Variants in RPL4 observed in about 807,000 individuals in gnomAD.
RPL4 encodes the protein large ribosomal subunit protein uL4.
RPL4 carries 3 observed loss-of-function variants against 47.7 expected under a neutral mutation model. The ratio of observed to expected loss-of-function variants is 0.06; its 90% confidence interval spans 0.03 to 0.16. RPL4 has a LOEUF of 0.16. Ranked by LOEUF, RPL4 falls within the 10% of genes least tolerant of loss-of-function variation. The pLI, the probability that RPL4 is intolerant of heterozygous loss-of-function variation, is 1.00. For synonymous variants in RPL4, 208 were observed against 182.1 expected (o/e 1.14, Z -1.15); for missense variants, 413 against 551.3 (o/e 0.75, Z 2.51).
chr15:66,501,134 C>A (rs190460547), intron 6 of RPL4, 29 bp from the exon 7 acceptor site: 1 of 1,607,270 alleles, frequency 6.2e-7, no homozygotes, highest in Admixed American at 1.7e-5. Context: ...AATTAGGGAG[C>A]CTGTATTCCA....
At position 66,498,311 on chromosome 15, in the gene RPL4, T is replaced by G. The variant is rs1893518344; in HGVS notation, c.*1096A>C. ...AAGCCGTGCTAAGAAACGACGTGCT[T>G]AAGAACTGAGATTTGGCCCTGGAAA... On this transcript the variant is annotated 3_prime_UTR_variant, in exon 10 of 10. Transcript: ENST00000307961. 6.6e-6 allele frequency: 1 copy of G among 152,616 alleles called. No homozygotes were observed. Among genetic ancestry groups the G allele is most frequent in the Non-Finnish European group, 1.5e-5 (1 of 68,322 alleles). The allele number at this position is 152,616 out of a possible 1,614,324, so 9.5% of individuals were successfully genotyped here.
At position 66,500,162 on chromosome 15, in the gene RPL4, C is replaced by T. The variant is rs772195070; in HGVS notation, c.932G>A (p.Arg311His). The part of the protein sequence containing the change: ...ALRAPRKKIH[R>H]RVLKKNPLKN... The stretch of plus-strand genomic sequence containing the variant: ...CAGTGGGTTCTTCTTTAGGACTCTG[C>T]GATGGATCTTCTTGCTATAAAAAAG... Residue 311 changes from arginine to histidine, a missense_variant, in exon 9 of 10, where the codon CGC becomes CAC. This residue lies in a region of RPL4 where 214 missense variants were observed against 304.2 expected (regional missense o/e 0.70). Coordinates refer to ENST00000307961, the MANE Select transcript of RPL4 (RefSeq NM_000968.4). The T allele has an allele frequency of 2.9e-5, 46 of 1,613,644 alleles. No homozygotes were observed. Among genetic ancestry groups the T allele is most frequent in the Non-Finnish European group, 3.5e-5 (41 of 1,179,888 alleles).
At chr15:66,503,635 T>TA in intron 1 of RPL4, 106 bp from the exon 2 acceptor site, 1 of 1,266,884 alleles carries the variant, frequency 7.9e-7, no homozygotes, top group Non-Finnish European at 1.1e-6. Context: ...AAGAGACTGG[T>TA]ATGGTGAGGC....
chr15:66,499,707 G>A, intron 9 of RPL4, 55 bp from the exon 10 acceptor site: 1 of 1,598,282 alleles, frequency 6.3e-7, no homozygotes, highest in South Asian at 1.1e-5. Context: ...AGAACTTAAT[G>A]TATCAGGAAG....
rs374217219 is a variant in RPL4, at chr15:66,499,615, G to T, written c.1076C>A (p.Ala359Glu). 1 of 1,613,964 alleles carries T rather than the reference G, an allele frequency of 6.2e-7. No homozygotes were observed. Among genetic ancestry groups the T allele is most frequent in the Admixed American group, 1.7e-5 (1 of 60,004 alleles). The change falls in exon 10 of 10, where the codon GCG becomes GAG. Residue 359 changes from alanine to glutamate, a missense_variant. By Grantham distance (107) the Ala-to-Glu change is moderately radical (BLOSUM62 -1). Transcript: ENST00000307961. ...LRVDKAAAAA[A>E]ALQAKSDEKA... ...CTCATCTGATTTGGCTTGTAGTGCC[G>T]CTGCTGCAGCAGCTGCCTTATCCAC...
chr15:66,501,313 TA>T (rs770220748), intron 6 of RPL4, 61 bp downstream of exon 6: 1 of 1,609,964 alleles, frequency 6.2e-7, no homozygotes, highest in Non-Finnish European at 8.5e-7. Context: ...AATCTCATCA[TA>T]ACAAAAGCTG....
rs1029400276 is a variant in RPL4, at chr15:66,499,587, C to T, written c.1104G>A (p.Lys368=). Residue 368 remains lysine, a synonymous_variant, in exon 10 of 10, where the codon AAG becomes AAA. Coordinates refer to ENST00000307961, the MANE Select transcript of RPL4 (RefSeq NM_000968.4). ...AAALQAKSDE[K]AAVAGKKPVV... The stretch of plus-strand genomic sequence containing the variant: ...CAGGCTTCTTGCCTGCAACCGCCGC[C>T]TTCTCATCTGATTTGGCTTGTAGTG... 2.5e-6 allele frequency: 4 copies of T among 1,613,858 alleles called. No homozygotes were observed. The highest frequency in any genetic ancestry group is 1.3e-5 in the African/African-American group (1 of 74,916).
intron 3 of RPL4, 132 bp downstream of exon 3, chr15:66,502,926 T>C (rs760227715): frequency 4.7e-6 from 6 of 1,285,492 alleles, no homozygotes; most frequent in South Asian, 1.2e-5. Context: ...AATAACCCCA[T>C]ATAAATGAAG....
At position 66,501,502 on chromosome 15, in the gene RPL4, G is replaced by A; in HGVS notation, c.549C>T (p.Val183=). ...CAGCTCTCATTCGCTGAGAGGCATA[G>A]ACCTACAAAGTGAGCAGTTTTAGTA... ...KLKAWNDIKK[V]YASQRMRAGK... is the part of the protein sequence containing the mutation. The change falls in exon 6 of 10, where the codon GTC becomes GTT. Residue 183 remains valine, a splice_region_variant and synonymous_variant. Transcript: ENST00000307961. The A allele has an allele frequency of 6.2e-7, 1 of 1,614,080 alleles. No homozygotes were observed. The highest frequency in any genetic ancestry group is 8.5e-7 in the Non-Finnish European group (1 of 1,180,016).
rs375111087 is a variant in RPL4, at chr15:66,504,799, G to T, written c.-9C>A. The T allele has an allele frequency of 1.2e-6, 2 of 1,611,890 alleles. No homozygotes were observed. The highest frequency in any genetic ancestry group is 1.1e-5 in the South Asian group (1 of 90,704). ...GAACTTCCACTCACCATGGCGGAGA[G>T]AGGAGACAGCCACGCTCCTCTCAGC... On this transcript the variant is annotated 5_prime_UTR_variant, in exon 1 of 10. Transcript: ENST00000307961.
chr15:66,502,472 A>G (rs1428311540), intron 4 of RPL4, 140 bp downstream of exon 4: 4 of 934,756 alleles, frequency 4.3e-6, no homozygotes, highest in Non-Finnish European at 1.6e-6. Flanking sequence ...ATGAACTAAA[A>G]TATTTTATGC....
chr15:66,501,324 G>A (rs1434164667), intron 6 of RPL4, 51 bp downstream of exon 6: 3 of 1,612,084 alleles, frequency 1.9e-6, no homozygotes, highest in Non-Finnish European at 8.5e-7. Context: ...AACAAAAGCT[G>A]AGTAGACTTG....
rs758930136 is a variant in RPL4, at chr15:66,501,314, A to G, written c.676+61T>C. The G allele has an allele frequency of 3.1e-6, 5 of 1,610,038 alleles. No homozygotes were observed. The African/African-American group carries it at 5.3e-5, about 17-fold the overall frequency. On this transcript the variant is annotated intron_variant, in intron 6 of 9. Transcript: ENST00000307961. ...CGGACCTTAAGTGGAATCTCATCAT[A>G]ACAAAAGCTGAGTAGACTTGCAGAG...
intron 4 of RPL4, 169 bp from the exon 5 acceptor site, chr15:66,502,081 CAT>C (rs755296756): frequency 5.4e-6 from 5 of 920,094 alleles, no homozygotes; most frequent in Non-Finnish European, 8.8e-6. Context: ...AGTGGAATCT[CAT>C]CATTTTGACA....
At chr15:66,500,565 G>C in intron 7 of RPL4, 189 bp from the exon 8 acceptor site, 1 of 598,694 alleles carries the variant, frequency 1.7e-6, no homozygotes, top group Non-Finnish European at 2.9e-6. Flanking sequence ...AGGCCGAGGC[G>C]GGTGGATCAC....
At chr15:66,500,819 A>G (rs1311040973) in intron 7 of RPL4, 130 bp downstream of exon 7, 1 of 1,074,934 alleles carries the variant, frequency 9.3e-7, no homozygotes, top group Non-Finnish European at 1.3e-6. Context: ...AGACCAGGTG[A>G]GTCTCATTTT....
intron 6 of RPL4, 77 bp downstream of exon 6, chr15:66,501,298 A>C (rs759333148): frequency 3.7e-6 from 6 of 1,600,018 alleles, no homozygotes; most frequent in Non-Finnish European, 5.1e-6. Context: ...ACGGACCTTA[A>C]GTGGAATCTC....
Position 66,503,473 on chromosome 15 carries a change from T to G in RPL4, c.60A>C (p.Lys20Asn). The change falls in exon 2 of 10, where the codon AAA (lysine) becomes AAC (asparagine). Residue 20 changes from lysine to asparagine, a missense_variant. Coordinates refer to ENST00000307961, the MANE Select transcript of RPL4 (RefSeq NM_000968.4). Reference sequence around the variant, plus strand: ...TGAATACAGCAGGCAAAGTGACATTTTTGCCAGATGACTCCCCCTTTTCGG... The same window carrying G: ...TGAATACAGCAGGCAAAGTGACATTGTTGCCAGATGACTCCCCCTTTTCGG... ...VYSEKGESSG[K>N]NVTLPAVFKA... is the part of the protein sequence containing the mutation. The G allele has an allele frequency of 1.2e-6, 2 of 1,611,434 alleles. No individual in the cohort carries two copies. Among genetic ancestry groups the G allele is most frequent in the South Asian group, 2.2e-5 (2 of 91,048 alleles).
At chr15:66,501,294 CT>C in intron 6 of RPL4, 80 bp downstream of exon 6, 1 of 1,598,494 alleles carries the variant, frequency 6.3e-7, no homozygotes, top group Non-Finnish European at 8.6e-7. Context: ...AAACACGGAC[CT>C]TAAGTGGAAT....
Sources: allele counts gnomAD v4.1 joint callset, GRCh38; gene constraint gnomAD v4.1.1; regional missense constraint gnomAD v4.1.1; transcripts MANE v1.5; gene names NCBI Gene and HGNC (gene_info 2026-07-23, HGNC 2026-07-21).